The following PIP5K1C variants were observed in gnomAD, a reference collection of about 807,000 sequenced individuals.
The protein encoded by PIP5K1C is phosphatidylinositol 4-phosphate 5-kinase type-1 gamma.
Under a neutral mutation model 80.1 loss-of-function variants are expected in PIP5K1C, and 45 were observed. The ratio of observed to expected loss-of-function variants is 0.56; its 90% confidence interval spans 0.44 to 0.72. The LOEUF (loss-of-function observed/expected upper bound fraction) is 0.72, where lower values mean the gene tolerates loss of function less well. Ranked by LOEUF, PIP5K1C falls within the 30% of genes least tolerant of loss-of-function variation. PIP5K1C has a pLI of 0.00. For missense variants in PIP5K1C, 753 were observed against 954.6 expected (o/e 0.79, Z 2.78); for synonymous variants, 498 against 420.1 (o/e 1.19, Z -2.27).
At chr19:3,698,040 A>G (rs1362103732) in intron 1 of PIP5K1C, among the ~76,000 whole-genome samples, 2 of 152,260 alleles carry the variant, frequency 1.3e-5, no homozygotes, top group African/African-American at 4.8e-5. Context: ...GGGAGCTGGC[A>G]GTGCCGTGGG....
chr19:3,648,592 TCCACCTGTAGGACTGCAGACCCGGGCAC>T lies in PIP5K1C; in HGVS notation c.1211+5_1211+32del, dbSNP rs771827533. On this transcript the variant is annotated splice_donor_5th_base_variant and intron_variant, in intron 9 of 17. Transcript: ENST00000335312. The surrounding 1 kb of genome is among the most constrained non-coding windows in gnomAD (Gnocchi z 4.3). ...CCTGTGGGACTGCAGACCCGGGGCG[TCCACCTGTAGGACTGCAGACCCGGGCAC>T]CCACCTGTAGGACTGCAGGATGTCG... is the stretch of plus-strand genomic sequence containing the variant. The T allele has an allele frequency of 2.5e-6, 4 of 1,572,470 alleles. No homozygotes were observed. Among genetic ancestry groups the T allele is most frequent in the Non-Finnish European group, 8.7e-7 (1 of 1,149,188 alleles).
At chr19:3,697,015 C>T (rs1304155463) in intron 1 of PIP5K1C, among the ~76,000 whole-genome samples, 1 of 150,834 alleles carries the variant, frequency 6.6e-6, no homozygotes, top group African/African-American at 2.4e-5. Context: ...CGAGCTGGAC[C>T]GAGGAGGACC....
chr19:3,689,690 A>G (rs2035883976), intron 1 of PIP5K1C, among the ~76,000 whole-genome samples: 1 of 152,160 alleles, frequency 6.6e-6, no homozygotes, highest in Non-Finnish European at 1.5e-5. Context: ...AACTACCACA[A>G]ATAATGGAAC....
chr19:3,672,170 TCTCTCTCTA>T, intron 1 of PIP5K1C, among the ~76,000 whole-genome samples: 3 of 152,128 alleles, frequency 2.0e-5, no homozygotes, highest in Middle Eastern at 6.8e-3. Flanking sequence ...TGAGCCTCAG[TCTCTCTCTA>T]TAAAGTGCGG....
intron 1 of PIP5K1C, among the ~76,000 whole-genome samples, chr19:3,694,727 T>C (rs527922651): frequency 2.6e-4 from 39 of 152,316 alleles, no homozygotes; most frequent in African/African-American, 8.7e-4. Context: ...TCGGCGCGAC[T>C]ATTCCGCTGC....
intron 1 of PIP5K1C, among the ~76,000 whole-genome samples, chr19:3,689,503 G>A (rs911380405): frequency 2.6e-5 from 4 of 152,014 alleles, no homozygotes; most frequent in Non-Finnish European, 4.4e-5. Context: ...ACAAAAATTA[G>A]CCGGGTGTGG....
At chr19:3,661,449 T>C (rs1244426064) in intron 4 of PIP5K1C, among the ~76,000 whole-genome samples, 2 of 152,216 alleles carry the variant, frequency 1.3e-5, no homozygotes, top group African/African-American at 4.8e-5. Context: ...GTTGTTCTCC[T>C]TCTGTTGCCT....
At chr19:3,636,266 G>T in intron 16 of PIP5K1C, 1 of 471,152 alleles carries the variant, frequency 2.1e-6, no homozygotes, top group Non-Finnish European at 2.8e-6. Context: ...AGGGGAAGTG[G>T]GGGGCAGTAG....
chr19:3,643,698 G>T (rs888302957), intron 12 of PIP5K1C, among the ~76,000 whole-genome samples: 2 of 17,342 alleles, frequency 1.2e-4, no homozygotes, highest in South Asian at 1.8e-3. Flanking sequence ...CTTCCCCTCC[G>T]CGCTGCTTGG....
In PIP5K1C at chr19:3,696,103, C is replaced by T. The variant is rs994401359; in HGVS notation, c.94+4194G>A. Among the ~76,000 whole-genome samples, 3 of 152,178 alleles carry T rather than the reference C, an allele frequency of 2.0e-5. No individual in the cohort carries two copies. The highest frequency in any genetic ancestry group is 2.9e-5 in the Non-Finnish European group (2 of 68,034). ...TGGCGGTGCTGACTCCCTGCCCGGCCGCCCTGTGACCACACTACACTGTGC... is the reference window on the plus strand; with the variant it reads ...TGGCGGTGCTGACTCCCTGCCCGGCTGCCCTGTGACCACACTACACTGTGC... On this transcript the variant is annotated intron_variant, in intron 1 of 17. Coordinates refer to ENST00000335312, the MANE Select transcript of PIP5K1C (RefSeq NM_012398.3). The surrounding 1 kb of genome is among the most constrained non-coding windows in gnomAD (Gnocchi z 4.1).
intron 8 of PIP5K1C, among the ~76,000 whole-genome samples, chr19:3,651,209 C>A (rs1215891264): frequency 6.6e-6 from 1 of 152,118 alleles, no homozygotes; most frequent in East Asian, 1.9e-4. Flanking sequence ...GCACGTGCCA[C>A]CACGTCCAGC....
At chr19:3,675,164 C>A (rs1488426582) in intron 1 of PIP5K1C, among the ~76,000 whole-genome samples, 2 of 152,184 alleles carry the variant, frequency 1.3e-5, no homozygotes, top group Non-Finnish European at 2.9e-5. Context: ...GAATTAGTGG[C>A]AGTGACTGAA....
At chr19:3,651,799 G>T in intron 8 of PIP5K1C, 27 bp downstream of exon 8, 1 of 1,600,684 alleles carries the variant, frequency 6.2e-7, no homozygotes, top group Non-Finnish European at 8.5e-7. Context: ...GAAGCGGGAC[G>T]GGTCCGGCGG....
chr19:3,682,041 C>T (rs891036545), intron 1 of PIP5K1C, among the ~76,000 whole-genome samples: 4 of 152,042 alleles, frequency 2.6e-5, no homozygotes, highest in African/African-American at 9.7e-5. Context: ...ACCAATAGCA[C>T]AGAGGGAGAC....
chr19:3,658,344 G>A (rs1413111589), intron 5 of PIP5K1C, among the ~76,000 whole-genome samples: 1 of 152,250 alleles, frequency 6.6e-6, no homozygotes, highest in Non-Finnish European at 1.5e-5. Context: ...GAGCCGTGTG[G>A]GGTGGACTCT....
chr19:3,674,935 C>T (rs558821998), intron 1 of PIP5K1C, among the ~76,000 whole-genome samples: 44 of 152,252 alleles, frequency 2.9e-4, no homozygotes, highest in Middle Eastern at 3.4e-3. Context: ...GAGGCTCTGA[C>T]GCAGGCCACA....
intron 3 of PIP5K1C, among the ~76,000 whole-genome samples, chr19:3,664,515 C>T (rs1349285962): frequency 1.3e-5 from 2 of 152,220 alleles, no homozygotes; most frequent in East Asian, 3.8e-4. Flanking sequence ...GGGTCCATAA[C>T]CCCTCTCCCT....
chr19:3,666,994 C>A (rs531318838), intron 2 of PIP5K1C, among the ~76,000 whole-genome samples: 1 of 151,940 alleles, frequency 6.6e-6, no homozygotes, highest in African/African-American at 2.4e-5. Context: ...TGCTCTCTCC[C>A]CACCGCCCAC....
intron 1 of PIP5K1C, among the ~76,000 whole-genome samples, chr19:3,698,262 C>A (rs1345143255): frequency 6.6e-6 from 1 of 152,250 alleles, no homozygotes; most frequent in Non-Finnish European, 1.5e-5. Flanking sequence ...CCAACTCATC[C>A]CAGGCTCAGC....
Sources: gnomAD v4.1 joint callset for allele counts (sites outside exome capture counted in the v4.1 genomes callset) on GRCh38, gnomAD v4.1.1 for gene constraint, Gnocchi (gnomAD v3.1) non-coding constraint, MANE v1.5 for transcripts, NCBI Gene and HGNC (gene_info 2026-07-23, HGNC 2026-07-21) for gene names.